SLC51A: variants seen among roughly 807,000 people sequenced by gnomAD.
The protein encoded by SLC51A is solute carrier family 51 member A.
A neutral mutation model predicts 34.8 loss-of-function variants in SLC51A; 22 were observed. The observed-to-expected ratio is 0.63, with a 90% CI of 0.45 to 0.90. The LOEUF is 0.90. Ranked by LOEUF, SLC51A falls within the 40% of genes least tolerant of loss-of-function variation. SLC51A has a pLI of 0.00. For synonymous variants in SLC51A, 181 were observed against 176.3 expected (o/e 1.03, Z -0.21); for missense variants, 371 against 414.8 (o/e 0.89, Z 0.92).
At chr3:196,226,278 C>G (rs752078858) in intron 2 of SLC51A, among the ~76,000 whole-genome samples, 1 of 152,148 alleles carries the variant, frequency 6.6e-6, no homozygotes, top group African/African-American at 2.4e-5. Flanking sequence ...GCCATGATCA[C>G]ACCACTGCCC....
intron 2 of SLC51A, among the ~76,000 whole-genome samples, chr3:196,219,085 G>A (rs1329791027): frequency 6.6e-6 from 1 of 152,092 alleles, no homozygotes; most frequent in Non-Finnish European, 1.5e-5. Context: ...AATTAGCCAG[G>A]CGTGGTGGCG....
chr3:196,228,026 T>C lies in SLC51A; in HGVS notation c.363-89T>C. 2 of 1,538,806 alleles carry C rather than the reference T, an allele frequency of 1.3e-6. No homozygotes were observed. Among genetic ancestry groups the C allele is most frequent in the Non-Finnish European group, 8.8e-7 (1 of 1,134,236 alleles). Reference sequence around the variant, plus strand: ...GTCACACACCCAGAACGCCCAGCCCTAGCTCTGCTCCTCAGTAAGCCCCAC... The same window carrying C: ...GTCACACACCCAGAACGCCCAGCCCCAGCTCTGCTCCTCAGTAAGCCCCAC... On this transcript the variant is annotated intron_variant, in intron 4 of 8. Coordinates refer to ENST00000296327, the MANE Select transcript of SLC51A (RefSeq NM_152672.6). This position sits in a 1 kb window ranked among gnomAD's most constrained non-coding sequence, Gnocchi z 4.9.
chr3:196,220,575 T>C (rs962084035), intron 2 of SLC51A, among the ~76,000 whole-genome samples: 5 of 151,938 alleles, frequency 3.3e-5, no homozygotes, highest in African/African-American at 1.2e-4. Flanking sequence ...CCAGCCTGGG[T>C]GACAGAACAA....
Position 196,228,989 on chromosome 3 carries a change from C to T in SLC51A, c.633+69C>T, listed in dbSNP as rs1723966522. ...TACCTTTGTGTTCTAAAAGGAATCA[C>T]CAGAGCCAACACCCCTTGACAGAGG... is the stretch of plus-strand genomic sequence containing the variant. On this transcript the variant is annotated intron_variant, in intron 6 of 8. Transcript: ENST00000296327. This position sits in a 1 kb window ranked among gnomAD's most constrained non-coding sequence, Gnocchi z 4.9. 7.9e-7 allele frequency: 1 copy of T among 1,268,432 alleles called. No individual in the cohort carries two copies. The highest frequency in any genetic ancestry group is 1.8e-4 in the Middle Eastern group (1 of 5,414). 78.6% of individuals were successfully genotyped at this position (1,268,432 alleles called of 1,614,324 possible).
At chr3:196,221,666 T>G (rs1346872974) in intron 2 of SLC51A, among the ~76,000 whole-genome samples, 6 of 152,090 alleles carry the variant, frequency 3.9e-5, no homozygotes, top group Non-Finnish European at 8.8e-5. Flanking sequence ...GAGCTATTAG[T>G]AAGTGGCATT....
intron 2 of SLC51A, among the ~76,000 whole-genome samples, chr3:196,219,503 C>A (rs1429691267): frequency 1.3e-5 from 2 of 152,202 alleles, no homozygotes; most frequent in Admixed American, 1.3e-4. Context: ...TGGGCGTGTC[C>A]TTGGGCTGTG....
Position 196,228,012 on chromosome 3 carries a change from A to G in SLC51A, c.363-103A>G. The G allele has an allele frequency of 6.7e-7, 1 of 1,484,142 alleles. No individual in the cohort carries two copies. The highest frequency in any genetic ancestry group is 2.3e-5 in the East Asian group (1 of 43,866). The allele number at this position is 1,484,142 out of a possible 1,614,324, so 91.9% of individuals were successfully genotyped here. The stretch of plus-strand genomic sequence containing the variant: ...CTCGCCCCTCTTGGGTCACACACCC[A>G]GAACGCCCAGCCCTAGCTCTGCTCC... On this transcript the variant is annotated intron_variant, in intron 4 of 8. Transcript: ENST00000296327. This position sits in a 1 kb window ranked among gnomAD's most constrained non-coding sequence, Gnocchi z 4.9.
chr3:196,216,806 C>T lies in SLC51A; in HGVS notation c.38+56C>T, dbSNP rs911402522. 3.4e-5 allele frequency: 52 copies of T among 1,515,546 alleles called. No homozygotes were observed. The highest frequency in any genetic ancestry group is 1.0e-4 in the Admixed American group (5 of 49,694). The allele number at this position is 1,515,546 out of a possible 1,614,324, so 93.9% of individuals were successfully genotyped here. On this transcript the variant is annotated intron_variant, in intron 1 of 8. Transcript: ENST00000296327. This position sits in a 1 kb window ranked among gnomAD's most constrained non-coding sequence, Gnocchi z 4.5. ...CGCTGGGCAGCGGTGGCCCCTATCC[C>T]GCGGCCTGTCCTCTCTCCCTCCCAG...
chr3:196,228,851 C>T lies in SLC51A; in HGVS notation c.564C>T (p.Ala188=), dbSNP rs1723961497. ...QLLMLGPFQY[A]FLKITLTLVG... ...TGATGTTGGGCCCTTTCCAATACGC[C>T]TTCTTGAAGATAACGCTGACCCTGG... The change falls in exon 6 of 9, where the codon GCC becomes GCT. Residue 188 remains alanine, a synonymous_variant. Transcript: ENST00000296327. The surrounding 1 kb of genome is among the most constrained non-coding windows in gnomAD (Gnocchi z 4.9). 4 of 1,614,064 alleles carry T rather than the reference C, an allele frequency of 2.5e-6. No homozygotes were observed. The highest frequency in any genetic ancestry group is 3.3e-5 in the Admixed American group (2 of 60,004).
chr3:196,232,952 T>G, intron 8 of SLC51A, 111 bp from the exon 9 acceptor site: 2 of 1,097,710 alleles, frequency 1.8e-6, no homozygotes, highest in Non-Finnish European at 2.7e-6. Flanking sequence ...TAAGTCCTGA[T>G]TTGGGGATAA....
chr3:196,216,585 A>C lies in SLC51A; in HGVS notation c.-128A>C. The C allele has an allele frequency of 2.2e-6, 2 of 927,104 alleles. No homozygotes were observed. The highest frequency in any genetic ancestry group is 1.6e-5 in the African/African-American group (1 of 60,812). The allele number at this position is 927,104 out of a possible 1,614,324, so 57.4% of individuals were successfully genotyped here. A position where few individuals can be genotyped will look rare whatever the true frequency, so the allele number is the denominator to read the frequency against. ...CAAGGAGGGAGAGCGGCAGAGGGGA[A>C]GACTCTGCAATTCTGCTTGCCCCCC... On this transcript the variant is annotated 5_prime_UTR_variant, in exon 1 of 9. Transcript: ENST00000296327. The surrounding 1 kb of genome is among the most constrained non-coding windows in gnomAD (Gnocchi z 4.5).
chr3:196,227,207 C>CAGTCACTTT, intron 3 of SLC51A, 88 bp downstream of exon 3: 1 of 1,443,318 alleles, frequency 6.9e-7, no homozygotes, highest in South Asian at 1.2e-5. Context: ...CACGTCACTT[C>CAGTCACTTT]GGCAAAGAGT....
chr3:196,222,579 A>G (rs1010288172), intron 2 of SLC51A, among the ~76,000 whole-genome samples: 3 of 151,384 alleles, frequency 2.0e-5, no homozygotes, highest in Non-Finnish European at 4.4e-5. Flanking sequence ...AGCTTGCAGT[A>G]AGCCGAGATC....
intron 2 of SLC51A, among the ~76,000 whole-genome samples, chr3:196,218,438 T>C (rs573223394): frequency 2.0e-4 from 30 of 152,274 alleles, no homozygotes; most frequent in Non-Finnish European, 2.2e-4. Flanking sequence ...TGGAGCATTC[T>C]GTTGTCGGGT....
In SLC51A at chr3:196,227,080, C is replaced by T; in HGVS notation, c.249C>T (p.Ile83=). 6.2e-7 allele frequency: 1 copy of T among 1,614,166 alleles called. No homozygotes were observed. Among genetic ancestry groups the T allele is most frequent in the South Asian group, 1.1e-5 (1 of 91,084 alleles). The change falls in exon 3 of 9, where the codon ATC becomes ATT. Residue 83 remains isoleucine (I), a synonymous_variant. Coordinates refer to ENST00000296327, the MANE Select transcript of SLC51A (RefSeq NM_152672.6). ...VYLYKNTLCP[I]KRRTLLWKSS... is the part of the protein sequence containing the mutation. ...TGTACAAGAACACCCTTTGCCCCATCAAGAGGCGGACTCTGCTCTGGAAGA... is the reference window on the plus strand; with the variant it reads ...TGTACAAGAACACCCTTTGCCCCATTAAGAGGCGGACTCTGCTCTGGAAGA...
Position 196,221,311 on chromosome 3 carries a change from A to T in SLC51A, c.133+3375A>T, listed in dbSNP as rs571534124. Among the ~76,000 whole-genome samples, 18 of 146,748 alleles carry T rather than the reference A, an allele frequency of 1.2e-4. No homozygotes were observed. The East Asian group carries it at 3.4e-3, about 28-fold the overall frequency. ...TTATTCTAGAAGAATGATTGAATCA[A>T]TTTTTTTTTTTTAATTTTAAAATCA... is the stretch of plus-strand genomic sequence containing the variant. On this transcript the variant is annotated intron_variant, in intron 2 of 8. Coordinates refer to ENST00000296327, the MANE Select transcript of SLC51A (RefSeq NM_152672.6).
Position 196,227,704 on chromosome 3 carries a change from G to T in SLC51A, c.329G>T (p.Arg110Leu), listed in dbSNP as rs1177148031. The T allele has an allele frequency of 6.2e-7, 1 of 1,613,676 alleles. No homozygotes were observed. The change falls in exon 4 of 9, where the codon CGT (arginine) becomes CTT (leucine). Residue 110 changes from arginine to leucine, a missense_variant. Coordinates refer to ENST00000296327, the MANE Select transcript of SLC51A (RefSeq NM_152672.6). ...VLCCFGLWIP[R>L]SLVLVEMTIT... ...TGCTGCTTTGGTCTCTGGATCCCTC[G>T]TTCCCTGGTGCTGGTGGAAATGACC...
intron 2 of SLC51A, chr3:196,224,017 C>T (rs111996482): frequency 0.025 from 7,153 of 290,656 alleles, 547 homozygotes; most frequent in African/African-American, 0.16. Context: ...CGCCACCATG[C>T]CTGGCTAATT....
intron 7 of SLC51A, among the ~76,000 whole-genome samples, chr3:196,231,014 C>G (rs1724018943): frequency 6.6e-6 from 1 of 152,148 alleles, no homozygotes; most frequent in Admixed American, 6.6e-5. Context: ...CCTTTTCTAC[C>G]TATGACTTCC....
Sources: allele counts gnomAD v4.1 joint callset (sites outside exome capture counted in the v4.1 genomes callset), GRCh38; gene constraint gnomAD v4.1.1; non-coding constraint Gnocchi (gnomAD v3.1); transcripts MANE v1.5; gene names NCBI Gene and HGNC (gene_info 2026-07-23, HGNC 2026-07-21).